PID1: variants seen among roughly 807,000 people sequenced by gnomAD.
PID1 encodes the protein phosphotyrosine interaction domain containing 1, also known as PTB-containing, cubilin and LRP1-interacting protein.
Under a neutral mutation model 19.1 loss-of-function variants are expected in PID1, and 10 were observed. That is an observed-to-expected ratio of 0.52 (90% CI 0.32 to 0.89). The LOEUF is 0.89. Ranked by LOEUF, PID1 falls within the 40% of genes least tolerant of loss-of-function variation. The probability of loss-of-function intolerance (pLI) is 0.03; values close to 1 mark genes in which losing one functional copy is unlikely to be tolerated. For missense variants in PID1, 248 were observed against 285.3 expected (o/e 0.87, Z 0.94); for synonymous variants, 130 against 116.0 (o/e 1.12, Z -0.78).
At chr2:229,203,690 A>C (rs929575412) in intron 1 of PID1, among the ~76,000 whole-genome samples, 4 of 152,124 alleles carry the variant, frequency 2.6e-5, no homozygotes, top group South Asian at 2.1e-4. Context: ...AAATGTGAGC[A>C]GCAGAATATG....
At chr2:229,028,587 A>T (rs1693476419) in intron 2 of PID1, among the ~76,000 whole-genome samples, 1 of 152,244 alleles carries the variant, frequency 6.6e-6, no homozygotes, top group South Asian at 2.1e-4. Flanking sequence ...AACAACAAAA[A>T]GTCAAAAAAC....
intron 1 of PID1, among the ~76,000 whole-genome samples, chr2:229,172,212 C>A (rs1308444168): frequency 6.6e-6 from 1 of 152,154 alleles, no homozygotes; most frequent in African/African-American, 2.4e-5. Context: ...ACCTCTCTAC[C>A]CTCCTCCAAA....
chr2:229,161,293 C>G (rs544963477), intron 1 of PID1, among the ~76,000 whole-genome samples: 1 of 152,156 alleles, frequency 6.6e-6, no homozygotes, highest in East Asian at 1.9e-4. Context: ...CAGAGATAGA[C>G]AGAGAAATTT....
intron 2 of PID1, among the ~76,000 whole-genome samples, chr2:229,152,881 C>T (rs1287745939): frequency 2.6e-5 from 4 of 152,036 alleles, no homozygotes; most frequent in Admixed American, 6.5e-5. Context: ...TCCCCAAACC[C>T]AAAGTTATAA....
At chr2:229,255,263 C>T (rs1379329127) in intron 1 of PID1, among the ~76,000 whole-genome samples, 3 of 152,080 alleles carry the variant, frequency 2.0e-5, no homozygotes, top group Non-Finnish European at 4.4e-5. Flanking sequence ...CTGTGTGAGT[C>T]GATTCCAAGT....
intron 1 of PID1, among the ~76,000 whole-genome samples, chr2:229,170,032 T>C (rs1363995310): frequency 6.6e-5 from 10 of 152,154 alleles, no homozygotes; most frequent in Non-Finnish European, 1.5e-4. Context: ...TCCGAACCCC[T>C]GTCAAGAGCT....
chr2:229,266,123 T>C (rs944299098), intron 1 of PID1, among the ~76,000 whole-genome samples: 2 of 152,202 alleles, frequency 1.3e-5, no homozygotes, highest in Non-Finnish European at 2.9e-5. Context: ...GGGCCCGATG[T>C]TTTGTGCTTA....
chr2:229,163,771 T>C (rs1490169229), intron 1 of PID1, among the ~76,000 whole-genome samples: 1 of 152,138 alleles, frequency 6.6e-6, no homozygotes, highest in Non-Finnish European at 1.5e-5. Context: ...TGTGTTATGT[T>C]CCTAGTTAAG....
At position 229,025,573 on chromosome 2, in the gene PID1, C is replaced by T. The variant is rs1693395434; in HGVS notation, c.*59G>A. On this transcript the variant is annotated 3_prime_UTR_variant, in exon 3 of 3. Transcript: ENST00000392055. ...TCCCAAATTTGAAACGTTGCTTACT[C>T]ATCTATTCCCTTGAACTCCGTGACC... 1 of 1,285,478 alleles carries T rather than the reference C, an allele frequency of 7.8e-7. No homozygotes were observed. Among genetic ancestry groups the T allele is most frequent in the South Asian group, 1.3e-5 (1 of 75,920 alleles). The allele number at this position is 1,285,478 out of a possible 1,614,324, so 79.6% of individuals were successfully genotyped here. A position where few individuals can be genotyped will look rare whatever the true frequency, so the allele number is the denominator to read the frequency against.
intron 1 of PID1, among the ~76,000 whole-genome samples, chr2:229,233,054 G>C (rs1692249070): frequency 6.6e-6 from 1 of 152,030 alleles, no homozygotes; most frequent in Non-Finnish European, 1.5e-5. Flanking sequence ...TGTTCAATGG[G>C]AAGTGCCAAG....
At chr2:229,149,774 G>A (rs1559257642) in intron 2 of PID1, among the ~76,000 whole-genome samples, 1 of 152,176 alleles carries the variant, frequency 6.6e-6, no homozygotes, top group South Asian at 2.1e-4. Context: ...GAGGAGACAA[G>A]ATTTGGGTAC....
chr2:229,108,892 A>C (rs903053449), intron 2 of PID1, among the ~76,000 whole-genome samples: 7 of 152,234 alleles, frequency 4.6e-5, no homozygotes, highest in Non-Finnish European at 1.0e-4. Context: ...TAATAGAGTA[A>C]TGAGGCTGTG....
At chr2:229,194,874 C>T (rs955046303) in intron 1 of PID1, among the ~76,000 whole-genome samples, 2 of 151,562 alleles carry the variant, frequency 1.3e-5, no homozygotes, top group East Asian at 3.9e-4. Flanking sequence ...AGATATATAC[C>T]CATACACACA....
chr2:229,181,105 C>T (rs1451252740), intron 1 of PID1, among the ~76,000 whole-genome samples: 1 of 152,214 alleles, frequency 6.6e-6, no homozygotes, highest in African/African-American at 2.4e-5. Context: ...CGAGAAACGC[C>T]CACAGGTGTG....
chr2:229,174,116 A>C (rs1473414348), intron 1 of PID1, among the ~76,000 whole-genome samples: 3 of 152,134 alleles, frequency 2.0e-5, no homozygotes, highest in Non-Finnish European at 4.4e-5. Flanking sequence ...CAAACTTAAG[A>C]ATTTCTTGTT....
At chr2:229,258,534 T>C (rs1220658146) in intron 1 of PID1, among the ~76,000 whole-genome samples, 4 of 152,194 alleles carry the variant, frequency 2.6e-5, no homozygotes, top group African/African-American at 9.7e-5. Flanking sequence ...TGGCAAATAA[T>C]GAGGATTTCA....
chr2:229,217,820 C>T (rs1691880690), intron 1 of PID1, among the ~76,000 whole-genome samples: 1 of 152,150 alleles, frequency 6.6e-6, no homozygotes, highest in African/African-American at 2.4e-5. Flanking sequence ...TAGGTCTAAA[C>T]ATGGTCCTTA....
In PID1 at chr2:229,026,110, T is replaced by C; in HGVS notation, c.178-2A>G. On this transcript the variant is annotated splice_acceptor_variant, in intron 2 of 2. Coordinates refer to ENST00000392055, the MANE Select transcript of PID1 (RefSeq NM_001100818.2). LOFTEE classifies it high-confidence loss of function. ...GGAGACTTTGCCCAGGTAGGTAACC[T>C]GCAGATGCAAGAGAGGAAGAAAAGG... 1 of 1,607,736 alleles carries C rather than the reference T, an allele frequency of 6.2e-7. No individual in the cohort carries two copies. The highest frequency in any genetic ancestry group is 8.5e-7 in the Non-Finnish European group (1 of 1,174,632).
chr2:229,264,514 C>T (rs1449812381), intron 1 of PID1, among the ~76,000 whole-genome samples: 3 of 152,176 alleles, frequency 2.0e-5, no homozygotes, highest in African/African-American at 4.8e-5. Flanking sequence ...CATACCCTAA[C>T]ACCCACTATC....
Sources: allele counts gnomAD v4.1 joint callset (sites outside exome capture counted in the v4.1 genomes callset), GRCh38; gene constraint gnomAD v4.1.1; transcripts MANE v1.5; gene names NCBI Gene and HGNC (gene_info 2026-07-23, HGNC 2026-07-21).